NBEA: variants seen among roughly 807,000 people sequenced by gnomAD.
The protein encoded by NBEA is lysosomal-trafficking regulator 2.
A neutral mutation model predicts 343.4 loss-of-function variants in NBEA; 44 were observed. That is an observed-to-expected ratio of 0.13 (90% CI 0.10 to 0.16). The LOEUF (loss-of-function observed/expected upper bound fraction) is 0.16. Ranked by LOEUF, NBEA falls within the 10% of genes least tolerant of loss-of-function variation. The pLI is 1.00. For synonymous variants in NBEA, 1,175 were observed against 1,238.7 expected (o/e 0.95, Z 1.08); for missense variants, 2,555 against 3,631.3 (o/e 0.70, Z 7.62).
intron 41 of NBEA, among the ~76,000 whole-genome samples, chr13:35,523,518 C>G (rs2077819639): frequency 6.6e-6 from 1 of 152,074 alleles, no homozygotes; most frequent in Non-Finnish European, 1.5e-5. Flanking sequence ...CTGGACCCTT[C>G]GATTTGAGAG....
Position 34,942,831 on chromosome 13 carries a change from A to T in NBEA, c.11A>T (p.Glu4Val). The change falls in exon 1 of 59, where the codon GAG (glutamate) becomes GTG (valine). Residue 4 changes from glutamate (E) to valine (V), a missense_variant. Physicochemically the swap from Glu to Val is moderately radical, Grantham distance 121. This residue lies in a region of NBEA where 122 missense variants were observed against 91.0 expected (regional missense o/e 1.34). Coordinates refer to ENST00000379939, the MANE Select transcript of NBEA (RefSeq NM_001385012.1). MAS[E>V]KPGPGPGLEP... ...TCAGGAGGGGGGCCAATGGCTAGCG[A>T]GAAGCCGGGCCCGGGCCCGGGGCTC... 7.4e-7 allele frequency: 1 copy of T among 1,358,370 alleles called. No homozygotes were observed. The highest frequency in any genetic ancestry group is 9.5e-7 in the Non-Finnish European group (1 of 1,053,098). 84.1% of individuals were successfully genotyped at this position (1,358,370 alleles called of 1,614,324 possible).
chr13:35,505,397 C>T (rs975510097), intron 41 of NBEA, among the ~76,000 whole-genome samples: 5 of 152,138 alleles, frequency 3.3e-5, no homozygotes, highest in South Asian at 2.1e-4. Flanking sequence ...CGACCTATTC[C>T]GGAGTATGAG....
chr13:35,430,034 T>C (rs941676753), intron 38 of NBEA, among the ~76,000 whole-genome samples: 2 of 152,208 alleles, frequency 1.3e-5, no homozygotes, highest in African/African-American at 4.8e-5. Flanking sequence ...TGAAGGAATC[T>C]CCACACTGTT....
intron 44 of NBEA, among the ~76,000 whole-genome samples, chr13:35,563,876 ATT>A (rs11302238): frequency 1.0e-3 from 153 of 151,116 alleles, no homozygotes; most frequent in Middle Eastern, 3.4e-3. Flanking sequence ...AAATAGCATT[ATT>A]TTTTTTTTAA....
intron 35 of NBEA, among the ~76,000 whole-genome samples, chr13:35,308,458 A>ATG (rs2037070044): frequency 8.4e-6 from 1 of 118,466 alleles, no homozygotes; most frequent in Non-Finnish European, 1.6e-5. Context: ...ATATATATAT[A>ATG]TATATATATA....
At chr13:35,519,314 A>T (rs1225297966) in intron 41 of NBEA, among the ~76,000 whole-genome samples, 1 of 152,156 alleles carries the variant, frequency 6.6e-6, no homozygotes, top group African/African-American at 2.4e-5. Flanking sequence ...GTTTTAGATA[A>T]GTTAGGATTT....
At chr13:35,476,296 CCTGCTGCTGCTG>C (rs56240021) in intron 41 of NBEA, 26,191 of 960,250 alleles carry the variant, frequency 0.027, 835 homozygotes, top group Admixed American at 0.11. Flanking sequence ...CGTTGGTTTC[CCTGCTGCTGCTG>C]CTGCTGCTGC....
chr13:35,645,809 T>C (rs2084199656), intron 49 of NBEA, 60 bp from the exon 50 acceptor site: 4 of 1,076,210 alleles, frequency 3.7e-6, no homozygotes, highest in South Asian at 3.0e-5. Context: ...TATAACTTTC[T>C]GAATTTTATT....
chr13:35,481,380 A>G (rs914330858), intron 41 of NBEA, among the ~76,000 whole-genome samples: 1 of 151,972 alleles, frequency 6.6e-6, no homozygotes, highest in African/African-American at 2.4e-5. Flanking sequence ...GCTTATTTTC[A>G]TAATTGTCTC....
At chr13:35,417,772 T>C (rs968320626) in intron 38 of NBEA, among the ~76,000 whole-genome samples, 2 of 152,162 alleles carry the variant, frequency 1.3e-5, no homozygotes, top group Admixed American at 1.3e-4. Flanking sequence ...AGAGCTGAGT[T>C]CAATTCCTGG....
chr13:35,171,008 G>A, intron 25 of NBEA: 1 of 536,680 alleles, frequency 1.9e-6, no homozygotes, highest in Non-Finnish European at 3.5e-6. Flanking sequence ...TTAAGTTTAG[G>A]ATGTCATTTT....
chr13:35,305,550 T>A (rs1320931689), intron 35 of NBEA, among the ~76,000 whole-genome samples: 1 of 152,140 alleles, frequency 6.6e-6, no homozygotes, highest in African/African-American at 2.4e-5. Flanking sequence ...CATGTGTTAC[T>A]TCTGGCTAGA....
At chr13:35,226,394 G>C (rs2074653790) in intron 33 of NBEA, among the ~76,000 whole-genome samples, 1 of 152,106 alleles carries the variant, frequency 6.6e-6, no homozygotes, top group African/African-American at 2.4e-5. Flanking sequence ...GGGAAAGAAT[G>C]TCTCTATCCT....
At chr13:34,965,101 C>T (rs1217143362) in intron 1 of NBEA, among the ~76,000 whole-genome samples, 1 of 151,924 alleles carries the variant, frequency 6.6e-6, no homozygotes, top group Non-Finnish European at 1.5e-5. Flanking sequence ...CCTGACAGAA[C>T]TATAAAGACC....
At chr13:35,237,187 T>A (rs540310578) in intron 34 of NBEA, among the ~76,000 whole-genome samples, 2 of 152,068 alleles carry the variant, frequency 1.3e-5, no homozygotes, top group African/African-American at 4.8e-5. Flanking sequence ...AGTGGGAGAT[T>A]GAGGCTGCAG....
intron 36 of NBEA, among the ~76,000 whole-genome samples, chr13:35,336,274 C>T (rs2039252248): frequency 6.6e-6 from 1 of 151,954 alleles, no homozygotes; most frequent in African/African-American, 2.4e-5. Context: ...TGCAAGGAGA[C>T]AAATTAAAAA....
intron 1 of NBEA, among the ~76,000 whole-genome samples, chr13:35,010,741 AATATATATATATAT>A (rs869140392): frequency 6.3e-5 from 2 of 31,966 alleles, no homozygotes; most frequent in African/African-American, 2.0e-4. Flanking sequence ...AAAAAAAAAA[AATATATATATATAT>A]ATATATATAT....
At chr13:35,246,178 C>A (rs1177497031) in intron 34 of NBEA, among the ~76,000 whole-genome samples, 1 of 151,924 alleles carries the variant, frequency 6.6e-6, no homozygotes, top group Non-Finnish European at 1.5e-5. Flanking sequence ...CTGAAGATTT[C>A]TCTTGTCATA....
At chr13:35,542,560 A>G (rs1205131022) in intron 41 of NBEA, among the ~76,000 whole-genome samples, 1 of 152,148 alleles carries the variant, frequency 6.6e-6, no homozygotes, top group Non-Finnish European at 1.5e-5. Flanking sequence ...CTCTTCTACC[A>G]GATATTTGAA....
Sources: allele counts gnomAD v4.1 joint callset (sites outside exome capture counted in the v4.1 genomes callset), GRCh38; gene constraint gnomAD v4.1.1; regional missense constraint gnomAD v4.1.1; transcripts MANE v1.5; gene names NCBI Gene and HGNC (gene_info 2026-07-23, HGNC 2026-07-21).